TMEM45A: variants seen among roughly 807,000 people sequenced by gnomAD.
TMEM45A encodes DNA polymerase-transactivated protein 4.
In TMEM45A, 25 loss-of-function variants were observed where a neutral mutation model predicts 32.0. The ratio of observed to expected loss-of-function variants is 0.78; its 90% CI spans 0.57 to 1.09. TMEM45A has a LOEUF of 1.09. Among genes scored for constraint, TMEM45A ranks in the 50% least tolerant of loss-of-function variants. The pLI, the probability that TMEM45A is intolerant of heterozygous loss-of-function variation, is 0.00. For synonymous variants in TMEM45A, 122 were observed against 114.8 expected (o/e 1.06, Z -0.40); for missense variants, 302 against 325.0 (o/e 0.93, Z 0.54).
chr3:100,559,957 A>G (rs574818122), intron 4 of TMEM45A, among the ~76,000 whole-genome samples: 15 of 152,352 alleles, frequency 9.8e-5, no homozygotes, highest in Non-Finnish European at 1.9e-4. Context: ...AGAAATGTAG[A>G]GCAAGAGTCG....
At chr3:100,535,742 C>A (rs1705729104) in intron 1 of TMEM45A, among the ~76,000 whole-genome samples, 1 of 152,144 alleles carries the variant, frequency 6.6e-6, no homozygotes, top group African/African-American at 2.4e-5. Context: ...TAATATTAAA[C>A]CGCAAACTTG....
intron 1 of TMEM45A, among the ~76,000 whole-genome samples, chr3:100,521,763 G>C: frequency 6.6e-6 from 1 of 152,206 alleles, no homozygotes; most frequent in East Asian, 1.9e-4. Context: ...GGGCTGTTCT[G>C]ATGTCTGATC....
At chr3:100,543,281 T>C (rs1387805779) in intron 1 of TMEM45A, among the ~76,000 whole-genome samples, 2 of 152,192 alleles carry the variant, frequency 1.3e-5, no homozygotes, top group Non-Finnish European at 1.5e-5. Flanking sequence ...TTTCCAACTT[T>C]ATGTTACTAC....
At position 100,492,755 on chromosome 3, in the gene TMEM45A, T is replaced by TCCCCCCCCCCCCCCCCCCCCCCCCCCC. The variant is rs755848570; in HGVS notation, c.-175_-174insCCCCCCCCCCCCCCCCCCCCCCCCCCC. On this transcript the variant is annotated 5_prime_UTR_variant, in exon 1 of 6. Coordinates refer to ENST00000323523, the MANE Select transcript of TMEM45A (RefSeq NM_018004.3). Reference sequence around the variant, plus strand: ...CGACTAGGGACCCAAGTTTAAAAATTCCTCCCCCCACCCAATGCGAGACGT... The same window carrying TCCCCCCCCCCCCCCCCCCCCCCCCCCC: ...CGACTAGGGACCCAAGTTTAAAAATTCCCCCCCCCCCCCCCCCCCCCCCCCCCCCTCCCCCCACCCAATGCGAGACGT... 7.0e-6 allele frequency: 1 copy of TCCCCCCCCCCCCCCCCCCCCCCCCCCC among 143,526 alleles called. No homozygotes were observed. Among genetic ancestry groups the TCCCCCCCCCCCCCCCCCCCCCCCCCCC allele is most frequent in the Non-Finnish European group, 1.5e-5 (1 of 65,992 alleles). The allele number at this position is 143,526 out of a possible 1,614,324, so 8.9% of individuals were successfully genotyped here.
At chr3:100,522,199 C>A (rs1559639289) in intron 1 of TMEM45A, among the ~76,000 whole-genome samples, 6 of 152,152 alleles carry the variant, frequency 3.9e-5, no homozygotes, top group Admixed American at 3.9e-4. Context: ...TTCCCTGGAC[C>A]ATACCCTGTT....
intron 1 of TMEM45A, among the ~76,000 whole-genome samples, chr3:100,523,701 C>CCTCCTT (rs1705483057): frequency 2.0e-5 from 3 of 149,322 alleles, no homozygotes; most frequent in African/African-American, 7.4e-5. Context: ...TTCTCCTTCT[C>CCTCCTT]CTCCTCCTCC....
At chr3:100,528,776 T>C (rs1046576860) in intron 1 of TMEM45A, among the ~76,000 whole-genome samples, 1 of 152,194 alleles carries the variant, frequency 6.6e-6, no homozygotes, top group East Asian at 1.9e-4. Context: ...AATTTATAAA[T>C]GAAATATCCT....
intron 1 of TMEM45A, among the ~76,000 whole-genome samples, chr3:100,510,666 A>C (rs1247766238): frequency 2.8e-4 from 42 of 152,366 alleles, no homozygotes; most frequent in African/African-American, 8.7e-4. Flanking sequence ...CAGATGATCA[A>C]ATTACTCTGA....
chr3:100,519,866 G>A (rs544312349), intron 1 of TMEM45A, among the ~76,000 whole-genome samples: 1 of 152,276 alleles, frequency 6.6e-6, no homozygotes, highest in African/African-American at 2.4e-5. Flanking sequence ...GAAGATATGT[G>A]CCTTAAATGC....
At chr3:100,520,875 A>G in intron 1 of TMEM45A, among the ~76,000 whole-genome samples, 1 of 152,140 alleles carries the variant, frequency 6.6e-6, no homozygotes, top group East Asian at 1.9e-4. Context: ...AAATAAGTCA[A>G]TCACATCATG....
In TMEM45A at chr3:100,568,983, C is replaced by T. The variant is rs1706501620; in HGVS notation, c.734+16C>T. ...TCATTACCTGGTAAGTTAGCGATTT[C>T]TGTTAATGGAAGTTCTGTTCCTTGG... is the stretch of plus-strand genomic sequence containing the variant. On this transcript the variant is annotated intron_variant, in intron 5 of 5. Transcript: ENST00000323523. 6.2e-7 allele frequency: 1 copy of T among 1,604,216 alleles called. No homozygotes were observed. Among genetic ancestry groups the T allele is most frequent in the Non-Finnish European group, 8.5e-7 (1 of 1,172,584 alleles).
chr3:100,519,085 G>A (rs1285355679), intron 1 of TMEM45A: 2 of 163,904 alleles, frequency 1.2e-5, no homozygotes, highest in African/African-American at 4.8e-5. Context: ...AGGGTGCTAT[G>A]GGCCAGGTTT....
At position 100,509,301 on chromosome 3, in the gene TMEM45A, A is replaced by G. The variant is rs751516764; in HGVS notation, c.-4+16373A>G. 5.1e-4 allele frequency among the ~76,000 whole-genome samples: 77 copies of G among 152,266 alleles called. 1 individual carries two copies. The highest frequency in any genetic ancestry group is 7.2e-4 in the Admixed American group (11 of 15,284). On this transcript the variant is annotated intron_variant, in intron 1 of 5. Coordinates refer to ENST00000323523, the MANE Select transcript of TMEM45A (RefSeq NM_018004.3). Reference sequence around the variant, plus strand: ...AAAAGTAATAAATGCTGGCAAGGACATGGAGAAAAGAGAACTCTTACACAT... The same window carrying G: ...AAAAGTAATAAATGCTGGCAAGGACGTGGAGAAAAGAGAACTCTTACACAT...
At chr3:100,518,076 C>A (rs1002057365) in intron 1 of TMEM45A, among the ~76,000 whole-genome samples, 3 of 152,018 alleles carry the variant, frequency 2.0e-5, no homozygotes, top group African/African-American at 7.3e-5. Flanking sequence ...CCACTGAGAC[C>A]CTGAACAGTA....
rs1233536635 is a variant in TMEM45A, at chr3:100,558,482, T to G, written c.481T>G (p.Phe161Val). The change falls in exon 4 of 6, where the codon TTT becomes GTT. Residue 161 changes from phenylalanine to valine, a missense_variant. Physicochemically the swap from Phe to Val is conservative, Grantham distance 50. Coordinates refer to ENST00000323523, the MANE Select transcript of TMEM45A (RefSeq NM_018004.3). Reference sequence around the variant, plus strand: ...GCACCAGCTGCTGGTTTTGGTCGTCTTTCTGACAGGCCTCGTTGCCTTCCT... The same window carrying G: ...GCACCAGCTGCTGGTTTTGGTCGTCGTTCTGACAGGCCTCGTTGCCTTCCT... ...FVHQLLVLVVFLTGLVAFLEF... is the reference protein window; with the variant it reads ...FVHQLLVLVVVLTGLVAFLEF... The G allele has an allele frequency of 6.2e-7, 1 of 1,614,166 alleles. No homozygotes were observed. Among genetic ancestry groups the G allele is most frequent in the East Asian group, 2.2e-5 (1 of 44,886 alleles).
intron 5 of TMEM45A, chr3:100,573,321 C>T (rs879380872): frequency 2.0e-5 from 3 of 151,844 alleles, no homozygotes; most frequent in Admixed American, 2.0e-4. Flanking sequence ...CTTCACATCC[C>T]TTGTAAGTTG....
intron 1 of TMEM45A, among the ~76,000 whole-genome samples, chr3:100,509,585 T>TA (rs201895035): frequency 6.6e-6 from 1 of 152,158 alleles, no homozygotes; most frequent in Non-Finnish European, 1.5e-5. Context: ...GGTATATAGA[T>TA]ATACGATGAA....
intron 1 of TMEM45A, among the ~76,000 whole-genome samples, chr3:100,511,319 C>G (rs942973407): frequency 3.9e-5 from 6 of 152,120 alleles, no homozygotes; most frequent in African/African-American, 1.4e-4. Flanking sequence ...GGCCAATATT[C>G]AACATTCTTA....
At chr3:100,495,612 G>C (rs1707913902) in intron 1 of TMEM45A, among the ~76,000 whole-genome samples, 1 of 152,096 alleles carries the variant, frequency 6.6e-6, no homozygotes, top group Non-Finnish European at 1.5e-5. Context: ...GGTGTTTCTG[G>C]AATAATCCAT....
Sources: gnomAD v4.1 joint callset for allele counts (sites outside exome capture counted in the v4.1 genomes callset) on GRCh38, gnomAD v4.1.1 for gene constraint, MANE v1.5 for transcripts, NCBI Gene and HGNC (gene_info 2026-07-23, HGNC 2026-07-21) for gene names.